The following CPHXL variants were observed in gnomAD, a reference collection of about 807,000 sequenced individuals.
CPHXL encodes the protein cytoplasmic polyadenylated homeobox-like protein.
chr16:75,717,768 A>G (rs1475851391), intron 2 of CPHXL, among the ~76,000 whole-genome samples: 1 of 152,022 alleles, frequency 6.6e-6, no homozygotes. Context: ...AATATTTTTC[A>G]TTTGTGGTTA....
chr16:75,718,126 G>A (rs1218417728), intron 2 of CPHXL, 139 bp downstream of exon 2: 1 of 388,364 alleles, frequency 2.6e-6, no homozygotes, highest in African/African-American at 2.1e-5. Context: ...ACTGAGGTGG[G>A]GGAATCACCT....
intron 1 of CPHXL, among the ~76,000 whole-genome samples, chr16:75,719,346 T>C (rs574661256): frequency 5.4e-4 from 83 of 152,296 alleles, no homozygotes; most frequent in African/African-American, 1.9e-3. Context: ...GGGAATTCCC[T>C]TTCCTAGTGA....
At chr16:75,718,217 T>TAAAAAAA in intron 2 of CPHXL, 48 bp downstream of exon 2, 1 of 343,058 alleles carries the variant, frequency 2.9e-6, no homozygotes, top group Non-Finnish European at 5.2e-6. Context: ...AGACCTTGTC[T>TAAAAAAA]AAAAAAAAAA....
chr16:75,725,679 C>A (rs890933556), intron 1 of CPHXL, among the ~76,000 whole-genome samples: 1 of 149,012 alleles, frequency 6.7e-6, no homozygotes. Flanking sequence ...GTCTCAATAT[C>A]CTGACCTCGT....
intron 1 of CPHXL, among the ~76,000 whole-genome samples, chr16:75,720,684 A>T (rs533259521): frequency 6.6e-6 from 1 of 152,342 alleles, no homozygotes; most frequent in African/African-American, 2.4e-5. Context: ...ACTCTGCAGG[A>T]TATTATCCAG....
intron 1 of CPHXL, among the ~76,000 whole-genome samples, chr16:75,720,202 T>A (rs1279496496): frequency 1.3e-5 from 2 of 152,100 alleles, no homozygotes; most frequent in African/African-American, 4.8e-5. Context: ...GTGCCTCTCC[T>A]CCTCCAAAGG....
intron 2 of CPHXL, 30 bp from the exon 3 acceptor site, chr16:75,715,252 G>C (rs919574697): frequency 1.3e-5 from 5 of 398,508 alleles, no homozygotes; most frequent in African/African-American, 1.0e-4. Context: ...TTGTTTTATT[G>C]ACTCTACTTA....
rs896049655 is a variant in CPHXL, at chr16:75,715,106, C to G, written c.336G>C (p.Glu112Asp). 151 of 398,796 alleles carry G rather than the reference C, an allele frequency of 3.8e-4. No homozygotes were observed. Among genetic ancestry groups the G allele is most frequent in the Non-Finnish European group, 3.4e-4 (76 of 226,168 alleles). 24.7% of individuals were successfully genotyped at this position (398,796 alleles called of 1,614,324 possible). A position where few individuals can be genotyped will look rare whatever the true frequency, so the allele number is the denominator to read the frequency against. The change falls in exon 3 of 3, where the codon GAG (glutamate) becomes GAC (aspartate). Residue 112 changes from glutamate (E) to aspartate (D), a missense_variant. Transcript: ENST00000640559. Reference sequence around the variant, plus strand: ...CATAGTTGTGAGCTGCAGCCTGGGTCTCCTGGCAGCTTAAAAATGAATGGG... The same window carrying G: ...CATAGTTGTGAGCTGCAGCCTGGGTGTCCTGGCAGCTTAAAAATGAATGGG... Reference protein sequence around the residue: ...VQAHSFLSCQETQAAAHNYAT... With the variant: ...VQAHSFLSCQDTQAAAHNYAT...
In CPHXL at chr16:75,726,479, A is replaced by G. The variant is rs1056533007; in HGVS notation, c.-37T>C. On this transcript the variant is annotated 5_prime_UTR_variant, in exon 1 of 3. Transcript: ENST00000640559. ...AGACCTGGACTTCACGGAGACCAGC[A>G]AGCAACTGAGATCAGCAAGCAACTG... The G allele has an allele frequency of 5.0e-6, 2 of 398,382 alleles. No individual in the cohort carries two copies. The highest frequency in any genetic ancestry group is 2.1e-5 in the African/African-American group (1 of 48,594). The allele number at this position is 398,382 out of a possible 1,614,324, so 24.7% of individuals were successfully genotyped here. A position where few individuals can be genotyped will look rare whatever the true frequency, so the allele number is the denominator to read the frequency against.
chr16:75,714,769 C>T lies in CPHXL; in HGVS notation c.673G>A (p.Gly225Arg). Reference sequence around the variant, plus strand: ...GAATGCCCACTTCCTGTGTCACCTCCATACCCCATAGCACAGCCTGGATGC... The same window carrying T: ...GAATGCCCACTTCCTGTGTCACCTCTATACCCCATAGCACAGCCTGGATGC... ...EKHPGCAMGY[G>R]GDTGSGHSGS... Residue 225 changes from glycine (G) to arginine (R), a missense_variant, in exon 3 of 3, where the codon GGA (glycine) becomes AGA (arginine). Transcript: ENST00000640559. 2.5e-6 allele frequency: 1 copy of T among 398,698 alleles called. No individual in the cohort carries two copies. 24.7% of individuals were successfully genotyped at this position (398,698 alleles called of 1,614,324 possible). A position where few individuals can be genotyped will look rare whatever the true frequency, so the allele number is the denominator to read the frequency against.
chr16:75,714,355 C>G lies in CPHXL; in HGVS notation c.1087G>C (p.Gly363Arg), dbSNP rs934781509. 5.0e-6 allele frequency: 2 copies of G among 398,434 alleles called. No individual in the cohort carries two copies. The highest frequency in any genetic ancestry group is 2.1e-5 in the African/African-American group (1 of 48,594). The allele number at this position is 398,434 out of a possible 1,614,324, so 24.7% of individuals were successfully genotyped here. A position where few individuals can be genotyped will look rare whatever the true frequency, so the allele number is the denominator to read the frequency against. ...TGCAGTTGAGAGCACAACGGCTTTCCATTATTCTGAGGCAGTTGACTCTGC... is the reference window on the plus strand; with the variant it reads ...TGCAGTTGAGAGCACAACGGCTTTCGATTATTCTGAGGCAGTTGACTCTGC... The part of the protein sequence containing the change: ...QLQSQLPQNN[G>R]KPLCSQLQHM... Residue 363 changes from glycine to arginine, a missense_variant, in exon 3 of 3, where the codon GGA (glycine) becomes CGA (arginine). Transcript: ENST00000640559.
rs1959365422 is a variant in CPHXL, at chr16:75,714,747, T to C, written c.695A>G (p.His232Arg). Residue 232 changes from histidine to arginine, a missense_variant, in exon 3 of 3, where the codon CAT (histidine) becomes CGT (arginine). Coordinates refer to ENST00000640559, the MANE Select transcript of CPHXL (RefSeq NM_001355613.1). ...MGYGGDTGSGHSGSGHSTAYH... is the reference protein window; with the variant it reads ...MGYGGDTGSGRSGSGHSTAYH... The stretch of plus-strand genomic sequence containing the variant: ...GGCAGTAGAATGCCCACTTCCAGAA[T>C]GCCCACTTCCTGTGTCACCTCCATA... The C allele has an allele frequency of 2.5e-6, 1 of 398,542 alleles. No homozygotes were observed. Among genetic ancestry groups the C allele is most frequent in the South Asian group, 1.3e-4 (1 of 7,860 alleles). 24.7% of individuals were successfully genotyped at this position (398,542 alleles called of 1,614,324 possible).
At chr16:75,725,383 G>C (rs899702403) in intron 1 of CPHXL, among the ~76,000 whole-genome samples, 3 of 152,026 alleles carry the variant, frequency 2.0e-5, no homozygotes, top group African/African-American at 4.8e-5. Flanking sequence ...CCGCCTACTG[G>C]GTTCAAGCTA....
intron 2 of CPHXL, among the ~76,000 whole-genome samples, chr16:75,715,539 T>C (rs1959378263): frequency 6.6e-6 from 1 of 152,180 alleles, no homozygotes; most frequent in African/African-American, 2.4e-5. Context: ...AATGTTCTCC[T>C]GCATGTTCAC....
rs962927225 is a variant in CPHXL, at chr16:75,714,304, C to T, written c.1138G>A (p.Asp380Asn). 8 of 398,616 alleles carry T rather than the reference C, an allele frequency of 2.0e-5. No individual in the cohort carries two copies. Among genetic ancestry groups the T allele is most frequent in the South Asian group, 1.3e-4 (1 of 7,854 alleles). 24.7% of individuals were successfully genotyped at this position (398,616 alleles called of 1,614,324 possible). A position where few individuals can be genotyped will look rare whatever the true frequency, so the allele number is the denominator to read the frequency against. ...LQHMSLQIAA[D>N]SPLLPLGQDM... ...TGCCCCAGAGGCAGAAGGGGTGAGT[C>T]GGCAGCTATTTGGAGAGACATGTGC... Residue 380 changes from aspartate to asparagine, a missense_variant, in exon 3 of 3, where the codon GAC becomes AAC. Transcript: ENST00000640559.
intron 1 of CPHXL, among the ~76,000 whole-genome samples, chr16:75,725,271 A>G (rs1959538871): frequency 6.6e-6 from 1 of 152,154 alleles, no homozygotes; most frequent in South Asian, 2.1e-4. Flanking sequence ...AACTTAAAGT[A>G]TAATAATAAA....
At chr16:75,725,138 G>T (rs1032651150) in intron 1 of CPHXL, among the ~76,000 whole-genome samples, 1 of 147,562 alleles carries the variant, frequency 6.8e-6, no homozygotes, top group East Asian at 2.2e-4. Context: ...GGTCGGGGGA[G>T]GGGGGAGGGA....
In CPHXL at chr16:75,714,601, C is replaced by T. The variant is rs548115436; in HGVS notation, c.841G>A (p.Asp281Asn). The T allele has an allele frequency of 1.0e-4, 40 of 398,636 alleles. No individual in the cohort carries two copies. In the South Asian group the frequency reaches 2.7e-3, roughly 27 times the overall value. The allele number at this position is 398,636 out of a possible 1,614,324, so 24.7% of individuals were successfully genotyped here. Reference sequence around the variant, plus strand: ...ACCCCATATGCACCTTGAGCGTAATCCAAAAGGAAAGGACTTGCATGCTGG... The same window carrying T: ...ACCCCATATGCACCTTGAGCGTAATTCAAAAGGAAAGGACTTGCATGCTGG... ...ESQHASPFLLDYAQGAYGVKK... is the reference protein window; with the variant it reads ...ESQHASPFLLNYAQGAYGVKK... Residue 281 changes from aspartate to asparagine, a missense_variant, in exon 3 of 3, where the codon GAT (aspartate) becomes AAT (asparagine). By Grantham distance (23) the Asp-to-Asn change is conservative (BLOSUM62 1). Transcript: ENST00000640559.
intron 1 of CPHXL, among the ~76,000 whole-genome samples, chr16:75,719,248 A>C (rs1226253979): frequency 6.6e-6 from 1 of 152,114 alleles, no homozygotes; most frequent in Non-Finnish European, 1.5e-5. Context: ...GAGTGTTGGG[A>C]AGTGGGTACA....
Sources: allele counts gnomAD v4.1 joint callset (sites outside exome capture counted in the v4.1 genomes callset), GRCh38; gene constraint gnomAD v4.1.1; transcripts MANE v1.5; gene names NCBI Gene and HGNC (gene_info 2026-07-23, HGNC 2026-07-21).